ZNF385D: variants seen among roughly 807,000 people sequenced by gnomAD.
ZNF385D encodes the protein zinc finger protein 659.
ZNF385D carries 15 observed loss-of-function variants against 35.8 expected under a neutral mutation model. The ratio of observed to expected loss-of-function variants is 0.42; its 90% CI spans 0.28 to 0.64. The LOEUF is 0.64. Ranked by LOEUF, ZNF385D falls within the 30% of genes least tolerant of loss-of-function variation. The pLI, the probability that ZNF385D is intolerant of heterozygous loss-of-function variation, is 0.23. For synonymous variants in ZNF385D, 212 were observed against 186.8 expected, an observed-to-expected ratio of 1.13 and a Z score of -1.10; for missense variants, 474 against 494.6, an observed-to-expected ratio of 0.96 and a Z score of 0.39.
intron 3 of ZNF385D, among the ~76,000 whole-genome samples, chr3:21,817,665 T>G (rs2073212167): frequency 6.6e-6 from 1 of 152,048 alleles, no homozygotes; most frequent in African/African-American, 2.4e-5. Flanking sequence ...CATTAAAAAG[T>G]TGGGAAACAA....
At chr3:21,685,582 G>A (rs555298677) in intron 1 of ZNF385D, among the ~76,000 whole-genome samples, 1 of 152,282 alleles carries the variant, frequency 6.6e-6, no homozygotes, top group South Asian at 2.1e-4. Context: ...ACAAGAGGAA[G>A]TATTGGCACC....
At chr3:22,321,164 G>GTTTTTTTTTTTTTTTTTTTTTTT in intron 2 of ZNF385D, among the ~76,000 whole-genome samples, 4 of 76,160 alleles carry the variant, frequency 5.3e-5, no homozygotes, top group Admixed American at 1.7e-4. Flanking sequence ...TTATGACCTT[G>GTTTTTTTTTTTTTTTTTTTTTTT]TTTTTTTTTT....
intron 3 of ZNF385D, among the ~76,000 whole-genome samples, chr3:21,536,018 A>G (rs1428788475): frequency 2.0e-5 from 3 of 152,090 alleles, no homozygotes; most frequent in Non-Finnish European, 2.9e-5. Context: ...AGCTGGATCT[A>G]TTATGTTTAA....
chr3:21,869,357 A>G (rs190382030), intron 3 of ZNF385D, among the ~76,000 whole-genome samples: 1 of 152,270 alleles, frequency 6.6e-6, no homozygotes, highest in African/African-American at 2.4e-5. Context: ...CAGTATATGT[A>G]TTAACTAATG....
At position 21,523,381 on chromosome 3, in the gene ZNF385D, G is replaced by A. The variant is rs564333086; in HGVS notation, c.277-12358C>T. 7.2e-5 allele frequency among the ~76,000 whole-genome samples: 11 copies of A among 152,254 alleles called. No homozygotes were observed. In the East Asian group the frequency reaches 2.1e-3, roughly 29 times the overall value. On this transcript the variant is annotated intron_variant, in intron 3 of 7. Transcript: ENST00000281523. ...ACAATGATAAATAACCTTATTATGT[G>A]ATTTCACAGTGGCTTATCCTTCAGA...
At chr3:21,868,545 T>C (rs1697506244) in intron 3 of ZNF385D, among the ~76,000 whole-genome samples, 1 of 152,164 alleles carries the variant, frequency 6.6e-6, no homozygotes, top group Non-Finnish European at 1.5e-5. Flanking sequence ...CCTTCCATTT[T>C]CTTCCTCGTC....
chr3:21,772,868 C>A (rs796655044), intron 3 of ZNF385D, among the ~76,000 whole-genome samples: 1 of 151,892 alleles, frequency 6.6e-6, no homozygotes, highest in African/African-American at 2.4e-5. Flanking sequence ...AATGGAATAT[C>A]ATTCAGCCTT....
chr3:22,196,199 T>C (rs2125234305), intron 2 of ZNF385D, among the ~76,000 whole-genome samples: 2 of 152,156 alleles, frequency 1.3e-5, no homozygotes, highest in East Asian at 3.9e-4. Flanking sequence ...AAATAAATGT[T>C]TGCTAATCGA....
chr3:22,315,922 T>G (rs948658942), intron 2 of ZNF385D, among the ~76,000 whole-genome samples: 2 of 152,202 alleles, frequency 1.3e-5, no homozygotes, highest in East Asian at 3.9e-4. Flanking sequence ...TGCTAAAAAG[T>G]AGGCATAGTT....
At chr3:22,137,869 G>A (rs1704249306) in intron 3 of ZNF385D, among the ~76,000 whole-genome samples, 1 of 151,952 alleles carries the variant, frequency 6.6e-6, no homozygotes, top group African/African-American at 2.4e-5. Context: ...AGGAAAAGAG[G>A]AAGTCAAATT....
chr3:21,817,279 G>T (rs1337598618), intron 3 of ZNF385D, among the ~76,000 whole-genome samples: 3 of 152,152 alleles, frequency 2.0e-5, no homozygotes, highest in Non-Finnish European at 4.4e-5. Context: ...CATGGGCAAG[G>T]ACTTCATGAC....
intron 2 of ZNF385D, among the ~76,000 whole-genome samples, chr3:22,209,237 A>G (rs1438396323): frequency 6.6e-6 from 1 of 151,950 alleles, no homozygotes; most frequent in African/African-American, 2.4e-5. Flanking sequence ...TTAAACTTAT[A>G]AAAAGAAAGC....
chr3:22,207,411 C>G (rs567535397), intron 2 of ZNF385D, among the ~76,000 whole-genome samples: 1 of 151,858 alleles, frequency 6.6e-6, no homozygotes, highest in Non-Finnish European at 1.5e-5. Flanking sequence ...AACAAAGCCC[C>G]TATCTCCTGC....
chr3:22,237,543 G>A lies in ZNF385D; in HGVS notation c.107-68508C>T, dbSNP rs188593181. Among the ~76,000 whole-genome samples, 19 of 152,232 alleles carry A rather than the reference G, an allele frequency of 1.2e-4. 1 individual carries two copies. The East Asian group carries it at 3.5e-3, about 28-fold the overall frequency. On this transcript the variant is annotated intron_variant, in intron 2 of 5. Coordinates refer to the ZNF385D transcript ENST00000494108. ...TCTACTGTGTTATTTTGTTGCCTTTGCTTTTGGTGTTATATCTAAGAAACT... is the reference window on the plus strand; with the variant it reads ...TCTACTGTGTTATTTTGTTGCCTTTACTTTTGGTGTTATATCTAAGAAACT...
chr3:21,973,020 A>T (rs1440231214), intron 3 of ZNF385D, among the ~76,000 whole-genome samples: 4 of 152,102 alleles, frequency 2.6e-5, no homozygotes, highest in South Asian at 2.1e-4. Flanking sequence ...AATTTTAATC[A>T]AACTATTCTG....
At chr3:22,115,794 A>G (rs1417505286) in intron 3 of ZNF385D, among the ~76,000 whole-genome samples, 1 of 152,122 alleles carries the variant, frequency 6.6e-6, no homozygotes, top group Non-Finnish European at 1.5e-5. Context: ...TGGTGATTTA[A>G]TCATCATCAG....
intron 3 of ZNF385D, among the ~76,000 whole-genome samples, chr3:22,119,258 A>G (rs575127696): frequency 3.9e-5 from 6 of 152,284 alleles, no homozygotes; most frequent in Admixed American, 6.5e-5. Context: ...ATAAATCAAC[A>G]TCTTCATTAC....
chr3:21,524,284 T>A (rs1708085430), intron 3 of ZNF385D, among the ~76,000 whole-genome samples: 1 of 152,182 alleles, frequency 6.6e-6, no homozygotes, highest in Non-Finnish European at 1.5e-5. Context: ...AGATGGTAAC[T>A]GAAGCCACTG....
intron 2 of ZNF385D, among the ~76,000 whole-genome samples, chr3:22,208,165 T>C (rs577547592): frequency 5.9e-5 from 9 of 152,104 alleles, no homozygotes; most frequent in Admixed American, 3.3e-4. Context: ...CTATTTATAA[T>C]AGCCAATATT....
Sources: allele counts gnomAD v4.1 joint callset (sites outside exome capture counted in the v4.1 genomes callset), GRCh38; gene constraint gnomAD v4.1.1; transcripts MANE v1.5; gene names NCBI Gene and HGNC (gene_info 2026-07-23, HGNC 2026-07-21).